Variants in LYPLAL1 observed in about 807,000 individuals in gnomAD.
LYPLAL1 encodes the protein lysophospholipase like 1.
LYPLAL1 carries 23 observed loss-of-function variants against 19.7 expected under a neutral mutation model. The observed-to-expected ratio is 1.17, with a 90% CI of 0.84 to 1.65. The LOEUF (loss-of-function observed/expected upper bound fraction) is 1.65. LYPLAL1 is among the 40% of genes most tolerant of loss of function. The probability of loss-of-function intolerance (pLI) is 0.00; values close to 1 mark genes in which losing one functional copy is unlikely to be tolerated. For missense variants in LYPLAL1, 355 were observed against 279.4 expected, an observed-to-expected ratio of 1.27 and a Z score of -1.93; for synonymous variants, 119 against 96.3, an observed-to-expected ratio of 1.24 and a Z score of -1.38.
the LYPLAL1 span, among the ~76,000 whole-genome samples, chr1:219,310,478 G>A: frequency 3.9e-5 from 6 of 152,216 alleles, 1 homozygote; most frequent in Middle Eastern, 3.4e-3. Flanking sequence ...CTGAAAGCAG[G>A]AACAAACAGA....
the LYPLAL1 span, among the ~76,000 whole-genome samples, chr1:219,232,864 T>TAAA: frequency 3.5e-4 from 51 of 144,490 alleles, no homozygotes; most frequent in Middle Eastern, 3.2e-3. Context: ...GGCTACTATT[T>TAAA]AAAAAAAAAA....
the LYPLAL1 span, among the ~76,000 whole-genome samples, chr1:219,235,730 G>T: frequency 6.1e-4 from 93 of 152,076 alleles, 1 homozygote; most frequent in Non-Finnish European, 7.8e-4. Flanking sequence ...AAGATTTTTC[G>T]ATGCCAATAT....
the LYPLAL1 span, among the ~76,000 whole-genome samples, chr1:219,440,016 C>CATATATATATATAT: frequency 5.2e-4 from 52 of 99,440 alleles, no homozygotes; most frequent in Non-Finnish European, 7.5e-4. Context: ...TATATATACA[C>CATATATATATATAT]ACACACACAT....
the LYPLAL1 span, among the ~76,000 whole-genome samples, chr1:219,430,542 C>A: frequency 1.3e-5 from 2 of 152,088 alleles, no homozygotes; most frequent in African/African-American, 2.4e-5. Context: ...GTGGGATGAG[C>A]AAGTAAGTAA....
the LYPLAL1 span, among the ~76,000 whole-genome samples, chr1:219,258,554 A>G: frequency 6.6e-6 from 1 of 152,074 alleles, no homozygotes; most frequent in African/African-American, 2.4e-5. Context: ...ATATTGTTAA[A>G]TTTCAACAAT....
the LYPLAL1 span, among the ~76,000 whole-genome samples, chr1:219,304,249 G>C: frequency 6.6e-6 from 1 of 152,152 alleles, no homozygotes; most frequent in Non-Finnish European, 1.5e-5. Flanking sequence ...TAATATATTT[G>C]TGGTACCCAC....
intron 1 of LYPLAL1, among the ~76,000 whole-genome samples, chr1:219,176,750 C>G (rs1293124605): frequency 6.6e-6 from 1 of 152,080 alleles, no homozygotes; most frequent in Admixed American, 6.5e-5. Flanking sequence ...AAAATAGAAC[C>G]TTTGAATTTC....
chr1:219,416,163 A>G, the LYPLAL1 span, among the ~76,000 whole-genome samples: 1 of 152,234 alleles, frequency 6.6e-6, no homozygotes, highest in Non-Finnish European at 1.5e-5. Context: ...ATAATTAACT[A>G]AAATTTTTAT....
the LYPLAL1 span, among the ~76,000 whole-genome samples, chr1:219,303,568 C>A: frequency 1.3e-5 from 2 of 152,190 alleles, no homozygotes; most frequent in Non-Finnish European, 2.9e-5. Flanking sequence ...GATCATAGAA[C>A]ATGTGAGCTG....
the LYPLAL1 span, among the ~76,000 whole-genome samples, chr1:219,386,697 A>C: frequency 6.6e-6 from 1 of 152,226 alleles, no homozygotes; most frequent in Non-Finnish European, 1.5e-5. Flanking sequence ...GTCTCATAAG[A>C]GCTTCAAGCT....
the LYPLAL1 span, among the ~76,000 whole-genome samples, chr1:219,401,780 C>T: frequency 3.9e-5 from 6 of 152,098 alleles, no homozygotes; most frequent in African/African-American, 1.2e-4. Context: ...AATAATTTTG[C>T]TAGTCCTATT....
At chr1:219,387,336 A>G in the LYPLAL1 span, among the ~76,000 whole-genome samples, 1 of 152,232 alleles carries the variant, frequency 6.6e-6, no homozygotes, top group Non-Finnish European at 1.5e-5. Context: ...TAACTGAGCC[A>G]TAATTAAAAG....
chr1:219,299,257 G>A, the LYPLAL1 span, among the ~76,000 whole-genome samples: 4 of 150,572 alleles, frequency 2.7e-5, no homozygotes, highest in African/African-American at 9.8e-5. Flanking sequence ...TGTTTCCACA[G>A]ATAACCAATT....
chr1:219,347,251 T>C, the LYPLAL1 span, among the ~76,000 whole-genome samples: 1 of 152,240 alleles, frequency 6.6e-6, no homozygotes, highest in Admixed American at 6.5e-5. Context: ...ATTCACTTTT[T>C]GGCCATTCTT....
At chr1:219,279,836 A>G in the LYPLAL1 span, among the ~76,000 whole-genome samples, 1 of 152,228 alleles carries the variant, frequency 6.6e-6, no homozygotes, top group Non-Finnish European at 1.5e-5. Flanking sequence ...TCTCTGAGTC[A>G]TATTTTAGCC....
the LYPLAL1 span, among the ~76,000 whole-genome samples, chr1:219,442,042 A>C: frequency 5.9e-5 from 9 of 152,302 alleles, no homozygotes; most frequent in South Asian, 1.9e-3. Flanking sequence ...AACCTCCCTG[A>C]GTTTCAGTTT....
the LYPLAL1 span, among the ~76,000 whole-genome samples, chr1:219,254,943 C>T: frequency 4.4e-4 from 67 of 151,980 alleles, no homozygotes; most frequent in Admixed American, 7.2e-4. Flanking sequence ...CCATAGTTGT[C>T]GAACGTTTTG....
chr1:219,427,549 C>T, the LYPLAL1 span, among the ~76,000 whole-genome samples: 1 of 152,168 alleles, frequency 6.6e-6, no homozygotes, highest in Non-Finnish European at 1.5e-5. Context: ...AGTTGCCTGG[C>T]CTTTGCTTCA....
intron 3 of LYPLAL1, among the ~76,000 whole-genome samples, chr1:219,202,127 C>A (rs1658157672): frequency 6.6e-6 from 1 of 152,142 alleles, no homozygotes; most frequent in Non-Finnish European, 1.5e-5. Flanking sequence ...GAGTTCTAAT[C>A]CTATATTCCT....
Sources: gnomAD v4.1 joint callset for allele counts (sites outside exome capture counted in the v4.1 genomes callset) on GRCh38, gnomAD v4.1.1 for gene constraint, MANE v1.5 for transcripts, NCBI Gene and HGNC (gene_info 2026-07-23, HGNC 2026-07-21) for gene names.